Variants in CNTLN observed in about 807,000 individuals in gnomAD.
The protein encoded by CNTLN is centlein, also known as centlein, centrosomal protein.
A neutral mutation model predicts 180.0 loss-of-function variants in CNTLN; 212 were observed. That is an observed-to-expected ratio of 1.18 (90% confidence interval 1.05 to 1.32). The LOEUF is 1.32. CNTLN is among the 40% of genes most tolerant of loss of function. The pLI is 0.00. For synonymous variants in CNTLN, 722 were observed against 563.1 expected (o/e 1.28, Z -3.99); for missense variants, 2,095 against 1,610.9 (o/e 1.30, Z -5.14).
chr9:17,140,480 A>C (rs111269840), intron 1 of CNTLN, among the ~76,000 whole-genome samples: 1 of 152,212 alleles, frequency 6.6e-6, no homozygotes, highest in Admixed American at 6.5e-5. Flanking sequence ...GTCTTGGTCT[A>C]TTGCCCAGGC....
intron 5 of CNTLN, among the ~76,000 whole-genome samples, chr9:17,257,312 T>C (rs1243734296): frequency 6.6e-6 from 1 of 151,318 alleles, no homozygotes; most frequent in African/African-American, 2.4e-5. Flanking sequence ...GAACTCATCA[T>C]TTTTTAAGGC....
intron 23 of CNTLN, among the ~76,000 whole-genome samples, chr9:17,480,274 T>G (rs369676869): frequency 6.6e-6 from 1 of 151,940 alleles, no homozygotes; most frequent in East Asian, 1.9e-4. Context: ...AAGAACTGAT[T>G]TACCAGCACA....
In CNTLN at chr9:17,466,123, G is replaced by T. The variant is rs758046481; in HGVS notation, c.3669+5G>T. ...AAAGAGGAGTTAGAAAAAAAGGTAT[G>T]CTTTTAAAAAGGGCATTTTAGATTA... On this transcript the variant is annotated splice_donor_5th_base_variant and intron_variant, in intron 22 of 25. Coordinates refer to ENST00000380647, the MANE Select transcript of CNTLN (RefSeq NM_017738.4). 1 of 1,595,366 alleles carries T rather than the reference G, an allele frequency of 6.3e-7. No individual in the cohort carries two copies. The highest frequency in any genetic ancestry group is 8.6e-7 in the Non-Finnish European group (1 of 1,168,764).
At position 17,412,759 on chromosome 9, in the gene CNTLN, C is replaced by T. The variant is rs533689915; in HGVS notation, c.2797-3029C>T. On this transcript the variant is annotated intron_variant, in intron 16 of 25. Transcript: ENST00000380647. ...TTTCAACTTAATGAGTTTATCAGGA[C>T]GTAATAATGGATACCCATTGTATGT... is the stretch of plus-strand genomic sequence containing the variant. Among the ~76,000 whole-genome samples the T allele has an allele frequency of 1.5e-4, 23 of 152,104 alleles. 1 individual carries two copies. The South Asian group carries it at 2.7e-3, about 18-fold the overall frequency.
chr9:17,211,370 G>A (rs1208444819), intron 2 of CNTLN, among the ~76,000 whole-genome samples: 1 of 152,126 alleles, frequency 6.6e-6, no homozygotes, highest in Admixed American at 6.5e-5. Flanking sequence ...GGTTGTAGAT[G>A]TGTGGTATTA....
At chr9:17,189,884 G>A (rs904728517) in intron 2 of CNTLN, among the ~76,000 whole-genome samples, 1 of 151,976 alleles carries the variant, frequency 6.6e-6, no homozygotes, top group Non-Finnish European at 1.5e-5. Flanking sequence ...ACTATTGTAA[G>A]TCCTCTCTTA....
chr9:17,241,865 A>G (rs944141859), intron 5 of CNTLN, among the ~76,000 whole-genome samples: 8 of 152,134 alleles, frequency 5.3e-5, no homozygotes, highest in African/African-American at 1.7e-4. Flanking sequence ...CTGTTGGCCT[A>G]TGGCAATGCT....
chr9:17,200,383 G>A (rs1175306077), intron 2 of CNTLN, among the ~76,000 whole-genome samples: 2 of 152,192 alleles, frequency 1.3e-5, no homozygotes, highest in African/African-American at 4.8e-5. Flanking sequence ...AAAGTCAGTG[G>A]TAGTTTGATG....
chr9:17,325,564 C>T (rs1820227608), intron 8 of CNTLN, among the ~76,000 whole-genome samples: 2 of 140,070 alleles, frequency 1.4e-5, no homozygotes, highest in Admixed American at 1.4e-4. Context: ...ATTACACACA[C>T]ACACACACAC....
At chr9:17,325,800 C>G (rs999772926) in intron 8 of CNTLN, among the ~76,000 whole-genome samples, 75 of 151,782 alleles carry the variant, frequency 4.9e-4, no homozygotes, top group East Asian at 1.2e-3. Flanking sequence ...TTGCTAAATG[C>G]TAATTATTAT....
At chr9:17,436,238 T>C (rs1004140587) in intron 18 of CNTLN, among the ~76,000 whole-genome samples, 1 of 152,234 alleles carries the variant, frequency 6.6e-6, no homozygotes, top group Non-Finnish European at 1.5e-5. Context: ...TTATCTTCTC[T>C]GATTTCTTGA....
intron 2 of CNTLN, among the ~76,000 whole-genome samples, chr9:17,205,863 CA>C (rs1822884344): frequency 2.6e-5 from 4 of 152,124 alleles, no homozygotes. Flanking sequence ...AATCAGCAGG[CA>C]GATCAACAGG....
intron 13 of CNTLN, among the ~76,000 whole-genome samples, chr9:17,383,151 G>T (rs988819047): frequency 6.6e-6 from 1 of 151,930 alleles, no homozygotes; most frequent in Non-Finnish European, 1.5e-5. Context: ...GTACGTATAT[G>T]TATATACACA....
chr9:17,290,582 G>A (rs1450821824), intron 6 of CNTLN, among the ~76,000 whole-genome samples: 3 of 140,378 alleles, frequency 2.1e-5, no homozygotes, highest in African/African-American at 5.2e-5. Flanking sequence ...GGAAGCCTGG[G>A]CAATGGCGGG....
chr9:17,343,842 C>G (rs12379538), intron 12 of CNTLN, among the ~76,000 whole-genome samples: 34,499 of 152,000 alleles, frequency 0.23, 4,215 homozygotes, highest in South Asian at 0.37. Context: ...CCCAGCCCTC[C>G]CATCCATCCT....
intron 2 of CNTLN, among the ~76,000 whole-genome samples, chr9:17,215,766 C>T (rs1274168450): frequency 6.6e-6 from 1 of 152,160 alleles, no homozygotes; most frequent in Non-Finnish European, 1.5e-5. Context: ...CACCCCTTCT[C>T]CAGCCTCGCT....
intron 25 of CNTLN, among the ~76,000 whole-genome samples, chr9:17,492,421 TC>T (rs1276726889): frequency 6.6e-6 from 1 of 152,164 alleles, no homozygotes; most frequent in Admixed American, 6.6e-5. Flanking sequence ...GCCTGGAAGT[TC>T]TTTATTAACA....
At position 17,394,627 on chromosome 9, in the gene CNTLN, C is replaced by T; in HGVS notation, c.2173C>T (p.Leu725=). ...NKKLMKENDF[L]KSLLKQQQED... ...AAAATTAATGAAAGAAAATGATTTT[C>T]TGAAATCCCTCTTAAAACAGCAACA... The change falls in exon 15 of 26, where the codon CTG becomes TTG. Residue 725 remains leucine, a synonymous_variant. Coordinates refer to ENST00000380647, the MANE Select transcript of CNTLN (RefSeq NM_017738.4). 6.2e-7 allele frequency: 1 copy of T among 1,604,626 alleles called. No individual in the cohort carries two copies. Among genetic ancestry groups the T allele is most frequent in the Non-Finnish European group, 8.5e-7 (1 of 1,177,462 alleles).
At chr9:17,393,513 G>A (rs532514248) in intron 14 of CNTLN, among the ~76,000 whole-genome samples, 2 of 152,048 alleles carry the variant, frequency 1.3e-5, no homozygotes, top group Non-Finnish European at 2.9e-5. Context: ...AGTGGGAAGG[G>A]CACAAAATCC....
Sources: gnomAD v4.1 joint callset for allele counts (sites outside exome capture counted in the v4.1 genomes callset) on GRCh38, gnomAD v4.1.1 for gene constraint, MANE v1.5 for transcripts, NCBI Gene and HGNC (gene_info 2026-07-23, HGNC 2026-07-21) for gene names.